FSHR: variants seen among roughly 807,000 people sequenced by gnomAD.
The protein encoded by FSHR is follicle-stimulating hormone receptor.
A neutral mutation model predicts 52.1 loss-of-function variants in FSHR; 46 were observed. The observed-to-expected ratio is 0.88, with a 90% CI of 0.70 to 1.13. FSHR has a LOEUF of 1.13. FSHR is among the 50% of genes most tolerant of loss of function. The probability of loss-of-function intolerance (pLI) is 0.00; values close to 1 mark genes in which losing one functional copy is unlikely to be tolerated. For synonymous variants in FSHR, 399 were observed against 309.6 expected (o/e 1.29, Z -3.03); for missense variants, 964 against 834.6 (o/e 1.16, Z -1.91).
Position 49,009,688 on chromosome 2 carries a change from C to T in FSHR, c.374+7801G>A, listed in dbSNP as rs1280034575. Among the ~76,000 whole-genome samples, 8 of 149,244 alleles carry T rather than the reference C, an allele frequency of 5.4e-5. No homozygotes were observed. In the East Asian group the frequency reaches 1.6e-3, roughly 30 times the overall value. On this transcript the variant is annotated intron_variant, in intron 4 of 9. Transcript: ENST00000406846. ...GGAATGTTCTTCCATTTGTTTGTAT[C>T]CTCTTTTATTTCCTTGAGCAGTGGT...
chr2:49,127,756 T>TCTTCTTCTC (rs1672065134), intron 1 of FSHR, among the ~76,000 whole-genome samples: 1 of 23,512 alleles, frequency 4.3e-5, no homozygotes. Context: ...TCTTCTTTCT[T>TCTTCTTCTC]CTTCTTCTTC....
At chr2:49,102,816 C>G (rs896571489) in intron 1 of FSHR, among the ~76,000 whole-genome samples, 1 of 148,956 alleles carries the variant, frequency 6.7e-6, no homozygotes, top group Non-Finnish European at 1.5e-5. Flanking sequence ...ATATTTCTAC[C>G]AAAATCTCCA....
rs1008911062 is a variant in FSHR, at chr2:48,968,610, A to G, written c.854+88T>C. On this transcript the variant is annotated intron_variant, in intron 9 of 9. Transcript: ENST00000406846. ...GAGACAGGGAACTCTCTGCAAGTAG[A>G]TTCTCTTCATGTCACAGATAGGTAG... 1.1e-4 allele frequency: 161 copies of G among 1,479,568 alleles called. No individual in the cohort carries two copies. The South Asian group carries it at 1.8e-3, about 17-fold the overall frequency. The allele number at this position is 1,479,568 out of a possible 1,614,324, so 91.7% of individuals were successfully genotyped here. A position where few individuals can be genotyped will look rare whatever the true frequency, so the allele number is the denominator to read the frequency against.
intron 1 of FSHR, among the ~76,000 whole-genome samples, chr2:49,131,203 T>G (rs889932223): frequency 6.6e-6 from 1 of 152,322 alleles, no homozygotes; most frequent in Non-Finnish European, 1.5e-5. Context: ...CTTTATTCAT[T>G]TGCTATTTTC....
intron 6 of FSHR, 39 bp from the exon 7 acceptor site, chr2:48,983,205 A>C: frequency 6.4e-7 from 1 of 1,564,696 alleles, no homozygotes; most frequent in Non-Finnish European, 8.8e-7. Flanking sequence ...ATAATGTCAG[A>C]TGCAAACAAT....
chr2:49,146,133 C>A (rs1014623527), intron 1 of FSHR, among the ~76,000 whole-genome samples: 25 of 152,104 alleles, frequency 1.6e-4, no homozygotes, highest in Admixed American at 4.6e-4. Context: ...GATCTCAGAG[C>A]AGGGATCTGG....
intron 4 of FSHR, among the ~76,000 whole-genome samples, chr2:49,005,927 C>A (rs866084759): frequency 1.3e-5 from 2 of 152,140 alleles, no homozygotes; most frequent in Non-Finnish European, 2.9e-5. Context: ...CACCCTTAAT[C>A]TGAGTGGGTA....
intron 6 of FSHR, among the ~76,000 whole-genome samples, chr2:48,988,130 C>T (rs1360145661): frequency 6.6e-6 from 1 of 152,104 alleles, no homozygotes; most frequent in Admixed American, 6.6e-5. Context: ...CTTTCAACAG[C>T]CTGGTCTCTG....
intron 9 of FSHR, 103 bp from the exon 10 acceptor site, chr2:48,964,069 T>A (rs1024315560): frequency 1.5e-5 from 9 of 590,374 alleles, no homozygotes; most frequent in Non-Finnish European, 2.2e-5. Context: ...CTTCCTGAGA[T>A]TTTTTTTTTT....
At chr2:48,980,196 G>A (rs749090625) in intron 8 of FSHR, among the ~76,000 whole-genome samples, 1 of 152,140 alleles carries the variant, frequency 6.6e-6, no homozygotes, top group Admixed American at 6.5e-5. Context: ...TTATAGGCTG[G>A]GCTTCCAGCC....
At chr2:49,058,372 C>A (rs948489825) in intron 2 of FSHR, among the ~76,000 whole-genome samples, 6 of 152,120 alleles carry the variant, frequency 3.9e-5, no homozygotes, top group Non-Finnish European at 7.4e-5. Flanking sequence ...CATGGTGAAA[C>A]CCTGTCTCTA....
chr2:49,103,384 T>A (rs979825375), intron 1 of FSHR, among the ~76,000 whole-genome samples: 1 of 152,196 alleles, frequency 6.6e-6, no homozygotes, highest in African/African-American at 2.4e-5. Context: ...CAGTCAGTCA[T>A]AAGACAAGAT....
intron 1 of FSHR, among the ~76,000 whole-genome samples, chr2:49,093,731 A>G (rs1670708139): frequency 6.6e-6 from 1 of 151,434 alleles, no homozygotes; most frequent in African/African-American, 2.4e-5. Flanking sequence ...AGCAGCTAGG[A>G]TTACAGGCGT....
chr2:48,983,864 C>T (rs1675369534), intron 6 of FSHR, among the ~76,000 whole-genome samples: 1 of 151,960 alleles, frequency 6.6e-6, no homozygotes, highest in African/African-American at 2.4e-5. Flanking sequence ...AACAGCCATC[C>T]TGATTGCGCT....
At chr2:49,070,754 A>G (rs1669700402) in intron 1 of FSHR, among the ~76,000 whole-genome samples, 1 of 152,208 alleles carries the variant, frequency 6.6e-6, no homozygotes, top group African/African-American at 2.4e-5. Flanking sequence ...TTTGATGCTT[A>G]AAATCTTCAC....
At chr2:48,972,186 T>G (rs543830911) in intron 8 of FSHR, among the ~76,000 whole-genome samples, 1 of 152,210 alleles carries the variant, frequency 6.6e-6, no homozygotes, top group Admixed American at 6.5e-5. Context: ...ATGCAAAAAC[T>G]TTGATGCCTA....
chr2:48,999,764 C>T (rs1008248448), intron 4 of FSHR, among the ~76,000 whole-genome samples: 1 of 152,040 alleles, frequency 6.6e-6, no homozygotes, highest in Non-Finnish European at 1.5e-5. Flanking sequence ...ATTCTCAGAG[C>T]CTTTACCATG....
intron 1 of FSHR, among the ~76,000 whole-genome samples, chr2:49,149,278 C>T (rs1167662629): frequency 6.6e-6 from 1 of 151,978 alleles, no homozygotes; most frequent in East Asian, 1.9e-4. Flanking sequence ...CTGGTTACCT[C>T]ATGGTTACCT....
At position 49,154,479 on chromosome 2, in the gene FSHR, C is replaced by G; in HGVS notation, c.-62G>C. 6.4e-7 allele frequency: 1 copy of G among 1,562,910 alleles called. No homozygotes were observed. Among genetic ancestry groups the G allele is most frequent in the Non-Finnish European group, 8.8e-7 (1 of 1,137,422 alleles). On this transcript the variant is annotated 5_prime_UTR_variant, in exon 1 of 10. Coordinates refer to ENST00000406846, the MANE Select transcript of FSHR (RefSeq NM_000145.4). ...TGCAGAGAAAAACCTCCACAGATCT[C>G]AGAAGCTCCACACAGTGCCCTTATG...
Sources: gnomAD v4.1 joint callset for allele counts (sites outside exome capture counted in the v4.1 genomes callset) on GRCh38, gnomAD v4.1.1 for gene constraint, MANE v1.5 for transcripts, NCBI Gene and HGNC (gene_info 2026-07-23, HGNC 2026-07-21) for gene names.